Variants in REDIC1 observed in about 807,000 individuals in gnomAD.
The protein encoded by REDIC1 is HEI10 Interacting Protein 1.
chr12:39,844,774 C>T, the REDIC1 span, among the ~76,000 whole-genome samples: 2 of 151,896 alleles, frequency 1.3e-5, no homozygotes, highest in African/African-American at 4.8e-5. Context: ...ATATTCTTCC[C>T]TCATCTGACA....
chr12:39,662,949 A>G, the REDIC1 span, among the ~76,000 whole-genome samples: 1 of 152,000 alleles, frequency 6.6e-6, no homozygotes, highest in African/African-American at 2.4e-5. Context: ...CATATGTTGA[A>G]CCATTCTTAT....
the REDIC1 span, among the ~76,000 whole-genome samples, chr12:39,696,737 A>C: frequency 6.6e-6 from 1 of 152,016 alleles, no homozygotes; most frequent in Admixed American, 6.6e-5. Flanking sequence ...TGAAATAATT[A>C]AAAAGAATCA....
the REDIC1 span, chr12:39,644,047 A>G: frequency 1.5e-6 from 1 of 665,160 alleles, no homozygotes; most frequent in Non-Finnish European, 2.5e-6. Context: ...TTGCTCTCTT[A>G]AATTAGATGC....
the REDIC1 span, among the ~76,000 whole-genome samples, chr12:39,878,949 C>G: frequency 6.6e-6 from 1 of 152,248 alleles, no homozygotes; most frequent in Non-Finnish European, 1.5e-5. Flanking sequence ...CAGCCCAGAG[C>G]CTACTGCCCT....
At chr12:39,878,913 T>G in the REDIC1 span, among the ~76,000 whole-genome samples, 2 of 152,314 alleles carry the variant, frequency 1.3e-5, no homozygotes, top group East Asian at 3.9e-4. Context: ...CCCAGAGGCC[T>G]AGGAGTATAG....
At chr12:39,707,494 A>T in the REDIC1 span, among the ~76,000 whole-genome samples, 2 of 151,916 alleles carry the variant, frequency 1.3e-5, no homozygotes, top group Non-Finnish European at 2.9e-5. Context: ...ATGATCAAGC[A>T]TCCCACTGCT....
At chr12:39,783,238 T>A in the REDIC1 span, among the ~76,000 whole-genome samples, 3 of 152,358 alleles carry the variant, frequency 2.0e-5, no homozygotes, top group Non-Finnish European at 4.4e-5. Flanking sequence ...CCATGGTGTA[T>A]ATGTGCCACA....
the REDIC1 span, among the ~76,000 whole-genome samples, chr12:39,642,723 A>G: frequency 1.3e-5 from 2 of 151,764 alleles, no homozygotes; most frequent in African/African-American, 4.8e-5. Flanking sequence ...TATGGTCTTT[A>G]AAAATACATT....
the REDIC1 span, among the ~76,000 whole-genome samples, chr12:39,752,902 A>G: frequency 6.6e-6 from 1 of 152,174 alleles, no homozygotes; most frequent in Non-Finnish European, 1.5e-5. Context: ...TTTCTAAACT[A>G]TTGTGTGCTG....
the REDIC1 span, among the ~76,000 whole-genome samples, chr12:39,667,055 T>C: frequency 1.3e-5 from 2 of 152,124 alleles, no homozygotes; most frequent in African/African-American, 4.8e-5. Flanking sequence ...GTTTTTTGTG[T>C]CTCTATTTCC....
the REDIC1 span, among the ~76,000 whole-genome samples, chr12:39,816,072 CATA>C: frequency 6.6e-6 from 1 of 152,134 alleles, no homozygotes; most frequent in African/African-American, 2.4e-5. Context: ...CGATGAGGCA[CATA>C]ATATGTTCTG....
the REDIC1 span, among the ~76,000 whole-genome samples, chr12:39,652,971 CA>C: frequency 6.6e-6 from 1 of 151,988 alleles, no homozygotes; most frequent in Non-Finnish European, 1.5e-5. Context: ...ATTAGTCCAA[CA>C]TTTTTTTTTC....
At chr12:39,650,319 T>C in the REDIC1 span, 2 of 1,611,806 alleles carry the variant, frequency 1.2e-6, no homozygotes, top group Admixed American at 1.7e-5. This position sits in a 1 kb window ranked among gnomAD's most constrained non-coding sequence, Gnocchi z 4.3. Flanking sequence ...CACATAAAAC[T>C]ACACGATTTG....
At chr12:39,705,051 A>G in the REDIC1 span, among the ~76,000 whole-genome samples, 1 of 152,058 alleles carries the variant, frequency 6.6e-6, no homozygotes, top group Non-Finnish European at 1.5e-5. Context: ...GTGCACATGT[A>G]CCCTAAAACT....
the REDIC1 span, among the ~76,000 whole-genome samples, chr12:39,697,592 C>T: frequency 6.6e-6 from 1 of 151,994 alleles, no homozygotes; most frequent in African/African-American, 2.4e-5. Flanking sequence ...ATAGAAACAA[C>T]AGAGAGTTAA....
the REDIC1 span, among the ~76,000 whole-genome samples, chr12:39,835,530 G>A: frequency 6.6e-6 from 1 of 151,970 alleles, no homozygotes; most frequent in Non-Finnish European, 1.5e-5. Flanking sequence ...AAATAAAATG[G>A]AGTTCTCCTT....
At chr12:39,651,798 G>T in the REDIC1 span, among the ~76,000 whole-genome samples, 1 of 152,068 alleles carries the variant, frequency 6.6e-6, no homozygotes, top group African/African-American at 2.4e-5. Flanking sequence ...TATGCACTTT[G>T]ATAAATTTTG....
chr12:39,656,208 G>T, the REDIC1 span, among the ~76,000 whole-genome samples: 2 of 152,144 alleles, frequency 1.3e-5, no homozygotes, highest in African/African-American at 4.8e-5. Context: ...AGAATGAGCT[G>T]GGAAGTATTC....
chr12:39,679,872 A>G, the REDIC1 span, among the ~76,000 whole-genome samples: 1 of 152,172 alleles, frequency 6.6e-6, no homozygotes, highest in Non-Finnish European at 1.5e-5. Context: ...GACAAAGCAA[A>G]CCAAAACATA....
Sources: gnomAD v4.1 joint callset for allele counts (sites outside exome capture counted in the v4.1 genomes callset) on GRCh38, gnomAD v4.1.1 for gene constraint, Gnocchi (gnomAD v3.1) non-coding constraint, MANE v1.5 for transcripts, NCBI Gene and HGNC (gene_info 2026-07-23, HGNC 2026-07-21) for gene names.